The following SNX17 variants were observed in gnomAD, a reference collection of about 807,000 sequenced individuals.
SNX17 encodes sorting nexin-17.
In SNX17, 35 loss-of-function variants were observed where a neutral mutation model predicts 64.3. That is an observed-to-expected ratio of 0.54 (90% CI 0.42 to 0.72). The LOEUF is 0.72. Among genes scored for constraint, SNX17 ranks in the 30% least tolerant of loss-of-function variants. The probability of loss-of-function intolerance (pLI) is 0.00; values close to 1 mark genes in which losing one functional copy is unlikely to be tolerated. For missense variants in SNX17, 538 were observed against 610.0 expected, an observed-to-expected ratio of 0.88 and a Z score of 1.24; for synonymous variants, 259 against 230.2, an observed-to-expected ratio of 1.13 and a Z score of -1.13.
chr2:27,375,473 C>G lies in SNX17; in HGVS notation c.775-33C>G. On this transcript the variant is annotated intron_variant, in intron 9 of 14. Coordinates refer to ENST00000233575, the MANE Select transcript of SNX17 (RefSeq NM_014748.4). This position sits in a 1 kb window ranked among gnomAD's most constrained non-coding sequence, Gnocchi z 4.1. ...TTTCTGAGCTGCCCCATTCTCCCTCCTAATCTACCCCCATGTGATGACCAT... is the reference window on the plus strand; with the variant it reads ...TTTCTGAGCTGCCCCATTCTCCCTCGTAATCTACCCCCATGTGATGACCAT... The G allele has an allele frequency of 6.2e-7, 1 of 1,612,716 alleles. No homozygotes were observed. The highest frequency in any genetic ancestry group is 8.5e-7 in the Non-Finnish European group (1 of 1,179,254).
In SNX17 at chr2:27,376,539, G is replaced by T; in HGVS notation, c.1299+19G>T. ...ACTCTCAGTGAGTTCCAGCGTTGGT[G>T]AGGTTGCTGTTTGTTGGGGGATCTT... On this transcript the variant is annotated intron_variant, in intron 14 of 14. Coordinates refer to ENST00000233575, the MANE Select transcript of SNX17 (RefSeq NM_014748.4). 1 of 1,614,184 alleles carries T rather than the reference G, an allele frequency of 6.2e-7. No homozygotes were observed. Among genetic ancestry groups the T allele is most frequent in the Non-Finnish European group, 8.5e-7 (1 of 1,180,030 alleles).
At chr2:27,372,847 G>A (rs764308698) in intron 3 of SNX17, 107 bp downstream of exon 3, 6 of 1,462,270 alleles carry the variant, frequency 4.1e-6, no homozygotes, top group Non-Finnish European at 4.7e-6. Flanking sequence ...GATCTAGGAA[G>A]GCTCTTGTTT....
At chr2:27,373,383 GAC>G (rs1682835165) in intron 4 of SNX17, 72 bp downstream of exon 4, 2 of 1,519,312 alleles carry the variant, frequency 1.3e-6, no homozygotes, top group Admixed American at 3.4e-5. Flanking sequence ...ATTTTTTTGA[GAC>G]AGAGTCTTGC....
chr2:27,371,588 T>A, intron 2 of SNX17: 1 of 682,676 alleles, frequency 1.5e-6, no homozygotes, highest in Non-Finnish European at 2.1e-6. Flanking sequence ...CTTACTGCTC[T>A]AGTAGCCTTT....
Position 27,376,089 on chromosome 2 carries a change from A to G in SNX17, c.1105-17A>G. ...AGTGACCACTCTCATCAAGCTGGAC[A>G]CTCTTCTTGCCCTCAGGCTATCATG... On this transcript the variant is annotated splice_polypyrimidine_tract_variant and intron_variant, in intron 11 of 14. Coordinates refer to ENST00000233575, the MANE Select transcript of SNX17 (RefSeq NM_014748.4). 6.2e-7 allele frequency: 1 copy of G among 1,613,890 alleles called. No individual in the cohort carries two copies. Among genetic ancestry groups the G allele is most frequent in the Non-Finnish European group, 8.5e-7 (1 of 1,179,966 alleles).
Position 27,376,639 on chromosome 2 carries a change from G to A in SNX17, c.1333G>A (p.Gly445Ser), listed in dbSNP as rs915464139. 2.0e-5 allele frequency: 32 copies of A among 1,614,172 alleles called. No individual in the cohort carries two copies. Among genetic ancestry groups the A allele is most frequent in the African/African-American group, 4.0e-5 (3 of 75,048 alleles). Residue 445 changes from glycine to serine, a missense_variant, in exon 15 of 15, where the codon GGC becomes AGC. Coordinates refer to ENST00000233575, the MANE Select transcript of SNX17 (RefSeq NM_014748.4). The part of the protein sequence containing the change: ...KLSAVSLRGI[G>S]SPSTDASASD... The stretch of plus-strand genomic sequence containing the variant: ...GAGTGCCGTGAGCTTGCGGGGAATT[G>A]GCAGTCCCAGCACAGATGCCAGTGC...
In SNX17 at chr2:27,376,304, T is replaced by C. The variant is rs951290058; in HGVS notation, c.1183-9T>C. ...CCTGCCCTCACCGGCACCTTGTGTC[T>C]GTCCCCAGATGCTGCGCCGGCGGGT... On this transcript the variant is annotated splice_polypyrimidine_tract_variant and intron_variant, in intron 12 of 14. Transcript: ENST00000233575. 50 of 1,611,574 alleles carry C rather than the reference T, an allele frequency of 3.1e-5. No homozygotes were observed. Among genetic ancestry groups the C allele is most frequent in the Non-Finnish European group, 4.2e-5 (50 of 1,178,292 alleles).
At chr2:27,371,054 G>C (rs1329602522) in intron 1 of SNX17, among the ~76,000 whole-genome samples, 2 of 152,256 alleles carry the variant, frequency 1.3e-5, no homozygotes, top group Non-Finnish European at 2.9e-5. Context: ...GGGCGTCACT[G>C]GCCTCTTGGG....
At position 27,375,536 on chromosome 2, in the gene SNX17, T is replaced by C; in HGVS notation, c.805T>C (p.Tyr269His). The change falls in exon 10 of 15, where the codon TAT becomes CAT. Residue 269 changes from tyrosine (Y) to histidine (H), a missense_variant. Tyr to His is a moderately conservative substitution (Grantham distance 83). Coordinates refer to ENST00000233575, the MANE Select transcript of SNX17 (RefSeq NM_014748.4). This position sits in a 1 kb window ranked among gnomAD's most constrained non-coding sequence, Gnocchi z 4.1. The stretch of plus-strand genomic sequence containing the variant: ...GAGACTGGCCCAGACGCTGCGGCAC[T>C]ATGGCTACTTGCGCTTTGATGCCTG... The part of the protein sequence containing the change: ...FLRLAQTLRH[Y>H]GYLRFDACVA... 1 of 1,614,218 alleles carries C rather than the reference T, an allele frequency of 6.2e-7. No homozygotes were observed. Among genetic ancestry groups the C allele is most frequent in the South Asian group, 1.1e-5 (1 of 91,090 alleles).
rs767159247 is a variant in SNX17, at chr2:27,376,693, G to A, written c.1387G>A (p.Glu463Lys). Residue 463 changes from glutamate to lysine, a missense_variant, in exon 15 of 15, where the codon GAG becomes AAG. This residue lies in a region of SNX17 where 505 missense variants were observed against 550.4 expected (regional missense o/e 0.92). Transcript: ENST00000233575. Reference sequence around the variant, plus strand: ...TGATGTCCACGGCAATTTCGCCTTCGAGGGCATTGGAGATGAGGATCTGTA... The same window carrying A: ...TGATGTCCACGGCAATTTCGCCTTCAAGGGCATTGGAGATGAGGATCTGTA... ...ASDVHGNFAF[E>K]GIGDEDL 2.2e-5 allele frequency: 35 copies of A among 1,614,158 alleles called. No homozygotes were observed. Among genetic ancestry groups the A allele is most frequent in the Non-Finnish European group, 2.9e-5 (34 of 1,180,014 alleles).
chr2:27,376,546 C>T (rs1349690603), intron 14 of SNX17, 26 bp downstream of exon 14: 1 of 1,614,168 alleles, frequency 6.2e-7, no homozygotes, highest in Non-Finnish European at 8.5e-7. Context: ...GGTGAGGTTG[C>T]TGTTTGTTGG....
chr2:27,373,782 G>A, intron 4 of SNX17, 79 bp from the exon 5 acceptor site: 2 of 940,740 alleles, frequency 2.1e-6, no homozygotes, highest in Non-Finnish European at 3.4e-6. Flanking sequence ...GACACACAAG[G>A]GACCTAGAAA....
At position 27,373,313 on chromosome 2, in the gene SNX17, T is replaced by C; in HGVS notation, c.321+2T>C. On this transcript the variant is annotated splice_donor_variant, in intron 4 of 14. Transcript: ENST00000233575. LOFTEE classifies it high-confidence loss of function. ...AGTTTCCTGCGTCGGGCACAACAGGTAGGGCTTTGGGTGGGACCAAGATTT... is the reference window on the plus strand; with the variant it reads ...AGTTTCCTGCGTCGGGCACAACAGGCAGGGCTTTGGGTGGGACCAAGATTT... 6.2e-7 allele frequency: 1 copy of C among 1,614,070 alleles called. No individual in the cohort carries two copies. Among genetic ancestry groups the C allele is most frequent in the Non-Finnish European group, 8.5e-7 (1 of 1,179,962 alleles).
chr2:27,374,238 A>G (rs1682930352), intron 6 of SNX17, 63 bp downstream of exon 6: 3 of 1,412,596 alleles, frequency 2.1e-6, no homozygotes, highest in Non-Finnish European at 3.0e-6. Context: ...AGCCCCCCTA[A>G]CTCCCCACCC....
chr2:27,374,473 G>C, intron 7 of SNX17, 40 bp downstream of exon 7: 2 of 1,547,428 alleles, frequency 1.3e-6, no homozygotes, highest in Non-Finnish European at 1.8e-6. Context: ...GGGAGGTGCT[G>C]TGCTGGATTG....
At position 27,374,710 on chromosome 2, in the gene SNX17, T is replaced by C. The variant is rs1448728173; in HGVS notation, c.633T>C (p.Asp211=). The change falls in exon 8 of 15, where the codon GAT becomes GAC. Residue 211 remains aspartate (D), a synonymous_variant. Coordinates refer to ENST00000233575, the MANE Select transcript of SNX17 (RefSeq NM_014748.4). ...LRKSYWDSAY[D]DDVMENRVGL... is the part of the protein sequence containing the mutation. ...ACAGTTATTGGGACTCTGCCTATGA[T>C]GACGATGTCATGGAGAACCGGGTTG... 23 of 1,614,068 alleles carry C rather than the reference T, an allele frequency of 1.4e-5. No individual in the cohort carries two copies. The highest frequency in any genetic ancestry group is 1.0e-4 in the Admixed American group (6 of 60,002).
In SNX17 at chr2:27,376,404, G is replaced by T. The variant is rs781645917; in HGVS notation, c.1257+17G>T. ...CCACTGCTTGTAAGTATTACCTCCT[G>T]GTCAGAACCCTGGCTCTCAGCCCTG... On this transcript the variant is annotated intron_variant, in intron 13 of 14. Transcript: ENST00000233575. 3 of 1,613,880 alleles carry T rather than the reference G, an allele frequency of 1.9e-6. No homozygotes were observed. In the Admixed American group the frequency reaches 5.0e-5, roughly 27 times the overall value.
rs962447399 is a variant in SNX17 at position 27,377,138 on chromosome 2, C to A, written c.*419C>A. The A allele has an allele frequency of 7.2e-6, 3 of 414,216 alleles. No homozygotes were observed. Among genetic ancestry groups the A allele is most frequent in the Non-Finnish European group, 1.4e-5 (3 of 221,148 alleles). The allele number at this position is 414,216 out of a possible 1,614,324, so 25.7% of individuals were successfully genotyped here. ...GCCTGACTGCTGCCTACCTCTGGTT[C>A]CCTCTCACTGCCCCTGCTTCCCCCA... On this transcript the variant is annotated 3_prime_UTR_variant, in exon 15 of 15. Coordinates refer to ENST00000233575, the MANE Select transcript of SNX17 (RefSeq NM_014748.4). This position sits in a 1 kb window ranked among gnomAD's most constrained non-coding sequence, Gnocchi z 4.4.
chr2:27,377,416 CCCCCCG>C lies in SNX17; in HGVS notation c.*701_*706del. Reference sequence around the variant, plus strand: ...GCAAGGTCCCCTGGTCCATATGGGCCCCCCCGCCCATGGGGTTGGGCTGGTCCTTAT... The same window carrying C: ...GCAAGGTCCCCTGGTCCATATGGGCCCCCATGGGGTTGGGCTGGTCCTTAT... On this transcript the variant is annotated 3_prime_UTR_variant, in exon 15 of 15. Coordinates refer to ENST00000233575, the MANE Select transcript of SNX17 (RefSeq NM_014748.4). The surrounding 1 kb of genome is among the most constrained non-coding windows in gnomAD (Gnocchi z 4.4). The C allele has an allele frequency of 9.7e-7, 1 of 1,026,960 alleles. No homozygotes were observed. Among genetic ancestry groups the C allele is most frequent in the Non-Finnish European group, 1.5e-6 (1 of 678,706 alleles). 63.6% of individuals were successfully genotyped at this position (1,026,960 alleles called of 1,614,324 possible).
Sources: gnomAD v4.1 joint callset for allele counts (sites outside exome capture counted in the v4.1 genomes callset) on GRCh38, gnomAD v4.1.1 for gene constraint, gnomAD v4.1.1 regional missense constraint, Gnocchi (gnomAD v3.1) non-coding constraint, MANE v1.5 for transcripts, NCBI Gene and HGNC (gene_info 2026-07-23, HGNC 2026-07-21) for gene names.